Variants in ADORA2A observed in about 807,000 individuals in gnomAD.
The protein encoded by ADORA2A is adenosine A2a receptor, also known as adenosine receptor A2a.
Under a neutral mutation model 18.4 loss-of-function variants are expected in ADORA2A, and 11 were observed. The ratio of observed to expected loss-of-function variants is 0.60; its 90% confidence interval spans 0.38 to 0.99. The LOEUF is 0.99. Ranked by LOEUF, ADORA2A falls within the 50% of genes least tolerant of loss-of-function variation. ADORA2A has a pLI of 0.01. For missense variants in ADORA2A, 449 were observed against 556.1 expected (o/e 0.81, Z 1.94); for synonymous variants, 218 against 237.3 (o/e 0.92, Z 0.75).
At chr22:24,440,219 G>A (rs1274670700) in intron 2 of ADORA2A, among the ~76,000 whole-genome samples, 4 of 152,134 alleles carry the variant, frequency 2.6e-5, no homozygotes, top group South Asian at 2.1e-4. Flanking sequence ...TTAAGGCTAC[G>A]ACACGTTTCC....
intron 2 of ADORA2A, among the ~76,000 whole-genome samples, chr22:24,435,137 C>T (rs1047145876): frequency 2.6e-5 from 4 of 152,212 alleles, no homozygotes; most frequent in African/African-American, 7.2e-5. Flanking sequence ...CTAGAACCCT[C>T]GGCAAAGGAG....
rs1270397050 is a variant in ADORA2A at position 24,440,893 on chromosome 22, C to A, written c.643C>A (p.Pro215Thr). The A allele has an allele frequency of 1.9e-6, 3 of 1,614,198 alleles. No homozygotes were observed. The highest frequency in any genetic ancestry group is 1.6e-4 in the Middle Eastern group (1 of 6,062). Residue 215 changes from proline to threonine, a missense_variant, in exon 3 of 3, where the codon CCT (proline) becomes ACT (threonine). Coordinates refer to ENST00000337539, the MANE Select transcript of ADORA2A (RefSeq NM_000675.6). ...ACAGCTGAAGCAGATGGAGAGCCAG[C>A]CTCTGCCGGGGGAGCGGGCACGGTC... ...RRQLKQMESQ[P>T]LPGERARSTL...
chr22:24,425,337 ACCCC>A (rs398036656), upstream of ADORA2A, among the ~76,000 whole-genome samples: 2,367 of 82,468 alleles, frequency 0.029, 317 homozygotes, highest in African/African-American at 0.12. Flanking sequence ...TGTGGGCAGC[ACCCC>A]CCCCCCCCCC....
chr22:24,425,341 C>A (rs866699474), upstream of ADORA2A, among the ~76,000 whole-genome samples: 1 of 110,036 alleles, frequency 9.1e-6, no homozygotes, highest in African/African-American at 3.9e-5. Flanking sequence ...GGCAGCACCC[C>A]CCCCCCCCCC....
intron 1 of ADORA2A, chr22:24,431,729 G>A (rs886338111): frequency 5.1e-5 from 18 of 349,928 alleles, no homozygotes; most frequent in Non-Finnish European, 9.0e-5. Flanking sequence ...CTCAAAGAGG[G>A]GCAATTTAAC....
intron 2 of ADORA2A, 24 bp from the exon 3 acceptor site, chr22:24,440,559 C>T: frequency 6.5e-7 from 1 of 1,532,294 alleles, no homozygotes; most frequent in South Asian, 1.3e-5. Context: ...TCTCAGATCT[C>T]TGATGCTGGT....
intron 1 of ADORA2A, chr22:24,431,409 G>T (rs772478533): frequency 4.4e-6 from 2 of 456,640 alleles, no homozygotes; most frequent in African/African-American, 4.0e-5. Context: ...TTGAGGTGCC[G>T]ACAGCATTGG....
Position 24,433,331 on chromosome 22 carries a change from C to A in ADORA2A, c.-74C>A. On this transcript the variant is annotated 5_prime_UTR_variant, in exon 2 of 3. Coordinates refer to ENST00000337539, the MANE Select transcript of ADORA2A (RefSeq NM_000675.6). ...TGGGCCGGGCTGGGAGCCAGGCGGG[C>A]GGCTGGGCTGCAGCAATGGACCGTG... 1.4e-6 allele frequency: 2 copies of A among 1,426,382 alleles called. No homozygotes were observed. The highest frequency in any genetic ancestry group is 1.3e-5 in the South Asian group (1 of 77,526). The allele number at this position is 1,426,382 out of a possible 1,614,324, so 88.4% of individuals were successfully genotyped here. A position where few individuals can be genotyped will look rare whatever the true frequency, so the allele number is the denominator to read the frequency against.
intron 1 of ADORA2A, among the ~76,000 whole-genome samples, chr22:24,428,026 C>T (rs1021466330): frequency 6.6e-6 from 1 of 152,188 alleles, no homozygotes; most frequent in Admixed American, 6.5e-5. Context: ...GGGTCCCGGG[C>T]CCAGCCTGCA....
intron 1 of ADORA2A, chr22:24,432,020 G>T (rs1472201074): frequency 6.1e-6 from 1 of 162,692 alleles, no homozygotes; most frequent in Non-Finnish European, 1.4e-5. Context: ...TTTGCCCAGA[G>T]TCCCTCAGTG....
chr22:24,431,594 C>T (rs766434982), intron 1 of ADORA2A: 10 of 427,696 alleles, frequency 2.3e-5, no homozygotes, highest in African/African-American at 1.6e-4. Context: ...GGTGGCTGCC[C>T]GAGTCCACGT....
chr22:24,425,335 G>GCCCCCCCCCCCC (rs1161639556), upstream of ADORA2A, among the ~76,000 whole-genome samples: 1 of 54,484 alleles, frequency 1.8e-5, no homozygotes, highest in Non-Finnish European at 3.8e-5. Context: ...CCTGTGGGCA[G>GCCCCCCCCCCCC]CACCCCCCCC....
intron 1 of ADORA2A, chr22:24,431,169 C>T (rs1322284240): frequency 1.3e-5 from 6 of 456,780 alleles, no homozygotes; most frequent in Admixed American, 2.3e-5. Flanking sequence ...GAATGGCTGC[C>T]TGGCAAGTGC....
At chr22:24,427,125 C>A (rs562958169), upstream of ADORA2A, among the ~76,000 whole-genome samples, 35 of 152,316 alleles carry the variant, frequency 2.3e-4, no homozygotes, top group South Asian at 7.0e-3. Flanking sequence ...GGGCAGGAGA[C>A]TTCTCCCCAG....
intron 2 of ADORA2A, among the ~76,000 whole-genome samples, chr22:24,435,024 C>T (rs1039834789): frequency 6.6e-6 from 1 of 152,316 alleles, no homozygotes; most frequent in Middle Eastern, 3.4e-3. Flanking sequence ...TCCCTGTCAC[C>T]TGGGCTCTAA....
intron 1 of ADORA2A, chr22:24,429,447 C>G (rs1400907353): frequency 1.3e-5 from 2 of 152,260 alleles, no homozygotes; most frequent in Non-Finnish European, 2.9e-5. Flanking sequence ...TTAATTTCCC[C>G]TCCTGGTTAG....
chr22:24,426,108 T>A (rs576610852), upstream of ADORA2A, among the ~76,000 whole-genome samples: 20 of 152,284 alleles, frequency 1.3e-4, no homozygotes, highest in African/African-American at 4.8e-4. Context: ...TCCTGCAAAG[T>A]CCAGGTGAGG....
At position 24,441,350 on chromosome 22, in the gene ADORA2A, G is replaced by A. The variant is rs200511881; in HGVS notation, c.1100G>A (p.Ser367Asn). The change falls in exon 3 of 3, where the codon AGT (serine) becomes AAT (asparagine). Residue 367 changes from serine (S) to asparagine (N), a missense_variant. Coordinates refer to ENST00000337539, the MANE Select transcript of ADORA2A (RefSeq NM_000675.6). Reference sequence around the variant, plus strand: ...AATGGCTATGCCCTGGGGCTGGTGAGTGGAGGGAGTGCCCAAGAGTCCCAG... The same window carrying A: ...AATGGCTATGCCCTGGGGCTGGTGAATGGAGGGAGTGCCCAAGAGTCCCAG... The part of the protein sequence containing the change: ...RPNGYALGLV[S>N]GGSAQESQGN... 65 of 1,591,380 alleles carry A rather than the reference G, an allele frequency of 4.1e-5. No individual in the cohort carries two copies. The highest frequency in any genetic ancestry group is 5.4e-5 in the Non-Finnish European group (63 of 1,168,142).
intron 2 of ADORA2A, among the ~76,000 whole-genome samples, chr22:24,435,097 CCT>C (rs1377551221): frequency 6.6e-6 from 1 of 152,202 alleles, no homozygotes; most frequent in Non-Finnish European, 1.5e-5. Flanking sequence ...CTCACACTGC[CCT>C]GTCAGATGCT....
Sources: allele counts gnomAD v4.1 joint callset (sites outside exome capture counted in the v4.1 genomes callset), GRCh38; gene constraint gnomAD v4.1.1; transcripts MANE v1.5; gene names NCBI Gene and HGNC (gene_info 2026-07-23, HGNC 2026-07-21).